The following LONRF3 variants were observed in gnomAD, a reference collection of about 807,000 sequenced individuals.
LONRF3 encodes LON peptidase N-terminal domain and RING finger protein 3.
A neutral mutation model predicts 51.7 loss-of-function variants in LONRF3; 19 were observed. The ratio of observed to expected loss-of-function variants is 0.37; its 90% CI spans 0.26 to 0.54. The LOEUF is 0.54. Among genes scored for constraint, LONRF3 ranks in the 20% least tolerant of loss-of-function variants. The probability of loss-of-function intolerance (pLI) is 0.86; values close to 1 mark genes in which losing one functional copy is unlikely to be tolerated. For synonymous variants in LONRF3, 265 were observed against 257.8 expected (o/e 1.03, Z -0.27); for missense variants, 521 against 623.9 (o/e 0.84, Z 1.76).
chrX:119,017,150 C>G (rs1279956819), intron 10 of LONRF3, among the ~76,000 whole-genome samples: 1 of 111,795 alleles, frequency 8.9e-6, no homozygotes, highest in Non-Finnish European at 1.9e-5. Flanking sequence ...AAATGTCTCC[C>G]TCATCCTCTT....
chrX:118,979,211 G>A (rs7063603), intron 2 of LONRF3, among the ~76,000 whole-genome samples: 1,754 of 109,248 alleles, frequency 0.016, 37 homozygotes, highest in African/African-American at 0.054. Flanking sequence ...CACCGTGTTA[G>A]CCAGGATGGT....
At chrX:118,979,494 C>T (rs1017022101) in intron 2 of LONRF3, among the ~76,000 whole-genome samples, 2 of 110,112 alleles carry the variant, frequency 1.8e-5, no homozygotes, top group South Asian at 7.9e-4. Flanking sequence ...GGGGTTTTGC[C>T]ATGTTGGCTG....
chrX:118,992,923 A>G (rs1448738241), intron 5 of LONRF3, among the ~76,000 whole-genome samples: 1 of 111,056 alleles, frequency 9.0e-6, no homozygotes, highest in East Asian at 2.8e-4. Context: ...AGAGACAACA[A>G]TCACTGCAGT....
At chrX:118,989,728 T>C in intron 4 of LONRF3, 56 bp downstream of exon 4, 1 of 1,131,487 alleles carries the variant, frequency 8.8e-7, no homozygotes, top group Non-Finnish European at 1.2e-6. Flanking sequence ...GGCTCACCAA[T>C]ATATACAAGT....
In LONRF3 at chrX:118,975,149, G is replaced by A; in HGVS notation, c.369G>A (p.Pro123=). 1 of 1,170,006 alleles carries A rather than the reference G, an allele frequency of 8.5e-7. No homozygotes were observed. The highest frequency in any genetic ancestry group is 1.9e-5 in the South Asian group (1 of 53,086). The part of the protein sequence containing the change: ...EKVPQGEALA[P]APPDEGSTAS... ...TCCCGCAAGGCGAGGCGCTGGCGCC[G>A]GCGCCCCCGGACGAGGGTAGCACTG... Residue 123 remains proline, a synonymous_variant, in exon 1 of 11, where the codon CCG becomes CCA. Transcript: ENST00000371628.
chrX:118,992,980 C>T (rs1467633673), intron 5 of LONRF3, among the ~76,000 whole-genome samples: 2 of 111,652 alleles, frequency 1.8e-5, no homozygotes, highest in Admixed American at 1.9e-4. Flanking sequence ...GAGAGTACTA[C>T]ATCAAGGGAA....
rs1472055135 is a variant in LONRF3, at chrX:119,018,025, T to C, written c.*335T>C. On this transcript the variant is annotated 3_prime_UTR_variant, in exon 11 of 11. Transcript: ENST00000371628. ...TAATATTCTTTCTTTCATAGATCAA[T>C]GACTGTGTGGTTGAAATGTGAAAAC... is the stretch of plus-strand genomic sequence containing the variant. The C allele has an allele frequency of 1.4e-5, 2 of 138,333 alleles. No homozygotes were observed. The highest frequency in any genetic ancestry group is 1.7e-4 in the Admixed American group (2 of 11,474). 11.4% of individuals were successfully genotyped at this position (138,333 alleles called of 1,213,427 possible). A position where few individuals can be genotyped will look rare whatever the true frequency, so the allele number is the denominator to read the frequency against.
intron 5 of LONRF3, among the ~76,000 whole-genome samples, chrX:118,999,256 T>C (rs1328968521): frequency 9.0e-6 from 1 of 111,236 alleles, no homozygotes; most frequent in Non-Finnish European, 1.9e-5. Context: ...TCCCATGCTG[T>C]CAGGAGTTGG....
In LONRF3 at chrX:119,009,119, C is replaced by A; in HGVS notation, c.1531-7C>A. 8.3e-7 allele frequency: 1 copy of A among 1,204,869 alleles called. No individual in the cohort carries two copies. The highest frequency in any genetic ancestry group is 1.1e-6 in the Non-Finnish European group (1 of 890,581). On this transcript the variant is annotated splice_polypyrimidine_tract_variant and splice_region_variant and intron_variant, in intron 6 of 10. Transcript: ENST00000371628. Reference sequence around the variant, plus strand: ...TGCATATTGTCTAATTGCCTCCCCCCATGTAGTGCTTGGCATCAAGAAAAT... The same window carrying A: ...TGCATATTGTCTAATTGCCTCCCCCAATGTAGTGCTTGGCATCAAGAAAAT...
At chrX:118,981,903 A>G (rs899335419) in intron 2 of LONRF3, among the ~76,000 whole-genome samples, 10 of 111,882 alleles carry the variant, frequency 8.9e-5, no homozygotes, top group Admixed American at 6.6e-4. Context: ...AGTACTGCCA[A>G]TGGAGGAGGC....
chrX:118,986,940 T>C (rs1923013705), intron 3 of LONRF3: 1 of 1,154,372 alleles, frequency 8.7e-7, no homozygotes, highest in African/African-American at 1.8e-5. Context: ...CCTTAGTTTC[T>C]TTTCACCATC....
chrX:119,004,454 A>C (rs1924564792), intron 5 of LONRF3, among the ~76,000 whole-genome samples: 1 of 112,625 alleles, frequency 8.9e-6, no homozygotes, highest in African/African-American at 3.2e-5. Flanking sequence ...TGATATTTGA[A>C]GACCAATACA....
chrX:118,981,777 T>C (rs1196098468), intron 2 of LONRF3, among the ~76,000 whole-genome samples: 3 of 111,973 alleles, frequency 2.7e-5, no homozygotes, highest in Non-Finnish European at 5.6e-5. Context: ...GGGCAGCCTC[T>C]GCAGCGAGGC....
chrX:119,015,472 T>C (rs991684186), intron 10 of LONRF3, among the ~76,000 whole-genome samples: 15 of 110,242 alleles, frequency 1.4e-4, no homozygotes, highest in Non-Finnish European at 2.7e-4. Flanking sequence ...GTGGCTTCTT[T>C]CCCCCCCCAT....
chrX:118,996,534 G>T (rs1479187627), intron 5 of LONRF3, among the ~76,000 whole-genome samples: 1 of 111,429 alleles, frequency 9.0e-6, no homozygotes, highest in Non-Finnish European at 1.9e-5. Context: ...ACCAAGCAGA[G>T]AGTCAAATCA....
chrX:118,992,716 C>T (rs1480263833), intron 5 of LONRF3, among the ~76,000 whole-genome samples: 2 of 111,490 alleles, frequency 1.8e-5, no homozygotes, highest in Non-Finnish European at 3.8e-5. Flanking sequence ...GACCAACCAG[C>T]ACAAAAATAG....
intron 10 of LONRF3, among the ~76,000 whole-genome samples, chrX:119,016,471 C>T (rs1042208199): frequency 2.8e-5 from 3 of 108,073 alleles, no homozygotes; most frequent in South Asian, 4.2e-4. Flanking sequence ...CCTCAGCCTC[C>T]GGAGTAGCTG....
In LONRF3 at chrX:118,989,393, C is replaced by T. The variant is rs769091222; in HGVS notation, c.1060-15C>T. On this transcript the variant is annotated splice_polypyrimidine_tract_variant and intron_variant, in intron 3 of 10. Transcript: ENST00000371628. Reference sequence around the variant, plus strand: ...TCCTAAGAAGATTCTGATATGTGGCCCTTTCTTCATCCAGGACAATCTGGA... The same window carrying T: ...TCCTAAGAAGATTCTGATATGTGGCTCTTTCTTCATCCAGGACAATCTGGA... 1.5e-5 allele frequency: 18 copies of T among 1,208,120 alleles called. No individual in the cohort carries two copies. The highest frequency in any genetic ancestry group is 2.4e-4 in the Middle Eastern group (1 of 4,177).
rs1042593971 is a variant in LONRF3, at chrX:119,006,398, C to CTTTT, written c.1530+181_1530+184dup. 6.9e-4 allele frequency among the ~76,000 whole-genome samples: 60 copies of CTTTT among 86,706 alleles called. 1 individual carries two copies. Among genetic ancestry groups the CTTTT allele is most frequent in the African/African-American group, 1.7e-3 (36 of 21,723 alleles). 75.3% of individuals were successfully genotyped at this position (86,706 alleles called of 115,157 possible). ...TCAAACCATCTATTTCTCCTGTCTT[C>CTTTT]TTTTTTTTTTTTTTTTTTTTTGACT... On this transcript the variant is annotated intron_variant, in intron 6 of 10. Coordinates refer to ENST00000371628, the MANE Select transcript of LONRF3 (RefSeq NM_001031855.3).
Sources: allele counts gnomAD v4.1 joint callset (sites outside exome capture counted in the v4.1 genomes callset), GRCh38; gene constraint gnomAD v4.1.1; transcripts MANE v1.5; gene names NCBI Gene and HGNC (gene_info 2026-07-23, HGNC 2026-07-21).